Variants in TRIO observed in about 807,000 individuals in gnomAD.
TRIO encodes the protein triple functional domain protein.
TRIO carries 58 observed loss-of-function variants against 351.9 expected under a neutral mutation model. That is an observed-to-expected ratio of 0.16 (90% CI 0.13 to 0.21). TRIO has a LOEUF of 0.21. Among genes scored for constraint, TRIO ranks in the 10% least tolerant of loss-of-function variants. The pLI, the probability that TRIO is intolerant of heterozygous loss-of-function variation, is 1.00. For synonymous variants in TRIO, 1,758 were observed against 1,595.7 expected (o/e 1.10, Z -2.42); for missense variants, 3,201 against 4,027.8 (o/e 0.79, Z 5.56).
chr5:14,473,593 A>G (rs796400070), intron 39 of TRIO, among the ~76,000 whole-genome samples: 14 of 152,386 alleles, frequency 9.2e-5, no homozygotes, highest in African/African-American at 3.4e-4. Context: ...TATTTAACCG[A>G]TTACACAAAT....
At chr5:14,307,319 C>G (rs1474682049) in intron 8 of TRIO, among the ~76,000 whole-genome samples, 1 of 152,236 alleles carries the variant, frequency 6.6e-6, no homozygotes, top group East Asian at 1.9e-4. Flanking sequence ...GCCCCTTTCT[C>G]TTCTGGTCTG....
rs1756072116 is a variant in TRIO, at chr5:14,487,795, G to A, written c.7167G>A (p.Ala2389=). ...CGGCCCCCGAGGCCGGCCCCAGCGC[G>A]CCCAGCAGGCGGCCCCCCGGCGCGG... ...PGAAPEAGPS[A]PSRRPPGADA... The change falls in exon 48 of 57, where the codon GCG becomes GCA. Residue 2389 remains alanine (A), a synonymous_variant. Coordinates refer to ENST00000344204, the MANE Select transcript of TRIO (RefSeq NM_007118.4). The A allele has an allele frequency of 5.0e-6, 7 of 1,397,376 alleles. No individual in the cohort carries two copies. Among genetic ancestry groups the A allele is most frequent in the Admixed American group, 7.2e-5 (2 of 27,884 alleles). The allele number at this position is 1,397,376 out of a possible 1,614,324, so 86.6% of individuals were successfully genotyped here. A position where few individuals can be genotyped will look rare whatever the true frequency, so the allele number is the denominator to read the frequency against.
chr5:14,207,318 TC>T (rs1791540619), intron 1 of TRIO, among the ~76,000 whole-genome samples: 2 of 11,054 alleles, frequency 1.8e-4, no homozygotes, highest in Non-Finnish European at 3.7e-4. Flanking sequence ...AGACTGTCTC[TC>T]ACACACACAC....
chr5:14,237,118 T>C (rs150215213), intron 1 of TRIO, among the ~76,000 whole-genome samples: 3 of 152,346 alleles, frequency 2.0e-5, no homozygotes, highest in African/African-American at 7.2e-5. Context: ...GTATCACTTA[T>C]CCAAAATGCT....
Position 14,482,590 on chromosome 5 carries a change from C to G in TRIO, c.6474C>G (p.Ile2158Met). ...TTTATTTCTTGTTTTAGGGGAAAAT[C>G]GTTGCCCAGGGTAAACTGCTCTTGC... is the stretch of plus-strand genomic sequence containing the variant. ...VGRLQGFDGK[I>M]VAQGKLLLQD... Residue 2158 changes from isoleucine (I) to methionine (M), a missense_variant, in exon 46 of 57, where the codon ATC (isoleucine) becomes ATG (methionine). This residue lies in a region of TRIO where 307 missense variants were observed against 396.5 expected (regional missense o/e 0.77). Transcript: ENST00000344204. The G allele has an allele frequency of 6.9e-7, 1 of 1,448,914 alleles. No homozygotes were observed. Among genetic ancestry groups the G allele is most frequent in the Non-Finnish European group, 9.2e-7 (1 of 1,088,144 alleles). The allele number at this position is 1,448,914 out of a possible 1,614,324, so 89.8% of individuals were successfully genotyped here. A position where few individuals can be genotyped will look rare whatever the true frequency, so the allele number is the denominator to read the frequency against.
chr5:14,488,139 G>C lies in TRIO; in HGVS notation c.7511G>C (p.Gly2504Ala). The C allele has an allele frequency of 6.2e-7, 1 of 1,608,140 alleles. No homozygotes were observed. Among genetic ancestry groups the C allele is most frequent in the Non-Finnish European group, 8.5e-7 (1 of 1,179,496 alleles). Residue 2504 changes from glycine to alanine, a missense_variant, in exon 48 of 57, where the codon GGG becomes GCG. By Grantham distance (60) the Gly-to-Ala change is moderately conservative. Transcript: ENST00000344204. ...ASRPGSFTFP[G>A]DSDSLQRQTP... Reference sequence around the variant, plus strand: ...CGACCCGGCTCCTTCACCTTCCCGGGGGACAGCGACTCCCTCCAGCGGCAG... The same window carrying C: ...CGACCCGGCTCCTTCACCTTCCCGGCGGACAGCGACTCCCTCCAGCGGCAG...
In TRIO at chr5:14,419,844, A is replaced by G. The variant is rs1224011067; in HGVS notation, c.5026A>G (p.Thr1676Ala). Residue 1676 changes from threonine (T) to alanine (A), a missense_variant, in exon 34 of 57, where the codon ACC becomes GCC. Thr to Ala is a moderately conservative substitution (Grantham distance 58). This residue lies in a region of TRIO where 136 missense variants were observed against 229.5 expected (regional missense o/e 0.59). Transcript: ENST00000344204. Reference sequence around the variant, plus strand: ...CACCGCTTGCAACAGCAACGAGCTGACCATCCGACGGGGCCAGACCGTGGA... The same window carrying G: ...CACCGCTTGCAACAGCAACGAGCTGGCCATCCGACGGGGCCAGACCGTGGA... ...DFTACNSNEL[T>A]IRRGQTVEVL... 6.2e-7 allele frequency: 1 copy of G among 1,614,168 alleles called. No individual in the cohort carries two copies.
chr5:14,294,669 A>C (rs1240999333), intron 6 of TRIO, among the ~76,000 whole-genome samples: 5 of 152,280 alleles, frequency 3.3e-5, no homozygotes, highest in African/African-American at 1.2e-4. Context: ...GAGGCTTTTA[A>C]TTCTGACTTT....
At chr5:14,279,743 C>T (rs1020298719) in intron 2 of TRIO, among the ~76,000 whole-genome samples, 3 of 152,180 alleles carry the variant, frequency 2.0e-5, no homozygotes, top group African/African-American at 7.2e-5. Flanking sequence ...CTTTAAAATT[C>T]TCATGTGGTT....
chr5:14,284,627 A>T lies in TRIO; in HGVS notation c.348-2244A>T, dbSNP rs556484301. On this transcript the variant is annotated intron_variant, in intron 3 of 56. Coordinates refer to ENST00000344204, the MANE Select transcript of TRIO (RefSeq NM_007118.4). ...GTTGTTAAGCCTGGAGTCATTCAGG[A>T]TTCCTTTTAAGCTTCTTTCAAGTAG... is the stretch of plus-strand genomic sequence containing the variant. Among the ~76,000 whole-genome samples the T allele has an allele frequency of 5.9e-5, 9 of 152,158 alleles. No individual in the cohort carries two copies. The South Asian group carries it at 1.9e-3, about 32-fold the overall frequency.
intron 1 of TRIO, among the ~76,000 whole-genome samples, chr5:14,262,749 C>T (rs368417827): frequency 7.2e-5 from 11 of 151,918 alleles, no homozygotes; most frequent in African/African-American, 1.9e-4. Context: ...GGTTTGGCCA[C>T]GAGGTCGATG....
intron 11 of TRIO, among the ~76,000 whole-genome samples, chr5:14,350,643 A>G (rs923667477): frequency 9.2e-5 from 14 of 152,166 alleles, no homozygotes; most frequent in African/African-American, 3.4e-4. Context: ...CTTAACGTGC[A>G]TAGCTGCCCT....
intron 41 of TRIO, among the ~76,000 whole-genome samples, chr5:14,478,084 G>C (rs1171735175): frequency 1.3e-5 from 2 of 151,966 alleles, no homozygotes; most frequent in African/African-American, 4.8e-5. Flanking sequence ...AAGTAAAAAT[G>C]GTGGTCCATA....
At chr5:14,216,309 T>C (rs1005842128) in intron 1 of TRIO, among the ~76,000 whole-genome samples, 1 of 152,242 alleles carries the variant, frequency 6.6e-6, no homozygotes, top group African/African-American at 2.4e-5. Context: ...TGTATTAGAG[T>C]TGAATTTGTC....
intron 43 of TRIO, 21 bp downstream of exon 43, chr5:14,480,032 ACT>A (rs536303540): frequency 1.9e-5 from 30 of 1,611,116 alleles, no homozygotes; most frequent in Non-Finnish European, 2.3e-5. Flanking sequence ...GGCGGGACAA[ACT>A]CTGGTGTCAG....
At chr5:14,354,568 A>G (rs998105518) in intron 11 of TRIO, among the ~76,000 whole-genome samples, 6 of 152,150 alleles carry the variant, frequency 3.9e-5, no homozygotes, top group African/African-American at 4.8e-5. Flanking sequence ...ATTTCTTCCA[A>G]TTTGATTGGA....
At chr5:14,330,973 C>T in intron 10 of TRIO, 73 bp downstream of exon 10, 1 of 1,590,736 alleles carries the variant, frequency 6.3e-7, no homozygotes, top group Non-Finnish European at 8.6e-7. Context: ...GTTTTAACCA[C>T]ATTTGAGATA....
chr5:14,208,818 G>C (rs140012283), intron 1 of TRIO, among the ~76,000 whole-genome samples: 68 of 152,286 alleles, frequency 4.5e-4, no homozygotes, highest in African/African-American at 1.6e-3. Context: ...TCTATTTTCT[G>C]TTCATAAGTG....
intron 1 of TRIO, among the ~76,000 whole-genome samples, chr5:14,150,421 G>T (rs1787759986): frequency 6.6e-6 from 1 of 151,718 alleles, no homozygotes; most frequent in South Asian, 2.1e-4. Flanking sequence ...TTACACACAT[G>T]CACACAACAC....
Sources: allele counts gnomAD v4.1 joint callset (sites outside exome capture counted in the v4.1 genomes callset), GRCh38; gene constraint gnomAD v4.1.1; regional missense constraint gnomAD v4.1.1; transcripts MANE v1.5; gene names NCBI Gene and HGNC (gene_info 2026-07-23, HGNC 2026-07-21).